Variants in FOXN3 observed in about 807,000 individuals in gnomAD.
FOXN3 encodes forkhead box N3.
A neutral mutation model predicts 38.4 loss-of-function variants in FOXN3; 7 were observed. The observed-to-expected ratio is 0.18, with a 90% confidence interval of 0.10 to 0.34. The LOEUF is 0.34. FOXN3 is among the 10% of genes least tolerant of loss of function. The pLI, the probability that FOXN3 is intolerant of heterozygous loss-of-function variation, is 1.00. For missense variants in FOXN3, 456 were observed against 613.4 expected (o/e 0.74, Z 2.71); for synonymous variants, 230 against 242.2 (o/e 0.95, Z 0.47).
Position 89,548,236 on chromosome 14 carries a change from T to C in FOXN3, c.-15+70792A>G, listed in dbSNP as rs1596314119. The stretch of plus-strand genomic sequence containing the variant: ...CGCTTTCTCTCCCTCCCACCCTTAA[T>C]CTCTGCCCTACATATTTCCAAGATT... On this transcript the variant is annotated intron_variant, in intron 1 of 6. Coordinates refer to the FOXN3 transcript ENST00000345097. The surrounding 1 kb of genome is among the most constrained non-coding windows in gnomAD (Gnocchi z 4.8). 6.6e-6 allele frequency among the ~76,000 whole-genome samples: 1 copy of C among 152,308 alleles called. No homozygotes were observed. Among genetic ancestry groups the C allele is most frequent in the East Asian group, 1.9e-4 (1 of 5,188 alleles).
chr14:89,401,013 AC>A (rs1891230307), intron 2 of FOXN3, among the ~76,000 whole-genome samples: 1 of 152,336 alleles, frequency 6.6e-6, no homozygotes, highest in African/African-American at 2.4e-5. Flanking sequence ...GCCAGAGGTC[AC>A]CACTGTATCC....
chr14:89,506,245 C>G (rs1240258962), intron 1 of FOXN3, among the ~76,000 whole-genome samples: 1 of 77,104 alleles, frequency 1.3e-5, no homozygotes, highest in South Asian at 4.7e-4. Context: ...AGCCCCTCTG[C>G]TCGGCCAGCC....
chr14:89,169,513 A>ACACACG (rs1192804045), intron 5 of FOXN3, among the ~76,000 whole-genome samples: 2 of 151,646 alleles, frequency 1.3e-5, no homozygotes, highest in East Asian at 3.9e-4. Context: ...GTGGTTACAC[A>ACACACG]CACACACACA....
intron 1 of FOXN3, among the ~76,000 whole-genome samples, chr14:89,499,714 T>A (rs570854578): frequency 6.6e-6 from 1 of 152,150 alleles, no homozygotes; most frequent in Non-Finnish European, 1.5e-5. Flanking sequence ...TTTTCATTTT[T>A]TTGCTTGCAA....
intron 2 of FOXN3, chr14:89,401,591 C>T: frequency 4.4e-6 from 2 of 456,032 alleles, no homozygotes; most frequent in South Asian, 1.5e-5. Flanking sequence ...GCTCCCTGTA[C>T]CTTGATTCTT....
At chr14:89,325,462 C>A (rs78007953) in intron 3 of FOXN3, among the ~76,000 whole-genome samples, 1 of 152,124 alleles carries the variant, frequency 6.6e-6, no homozygotes, top group African/African-American at 2.4e-5. Context: ...GAGACTGAGG[C>A]TACTGGGGCC....
At position 89,350,615 on chromosome 14, in the gene FOXN3, C is replaced by T. The variant is rs145533096; in HGVS notation, c.680+57G>A. 2,136 of 1,388,286 alleles carry T rather than the reference C, an allele frequency of 1.5e-3. 3 individuals are homozygous for T. Among genetic ancestry groups the T allele is most frequent in the Non-Finnish European group, 1.9e-3 (1,977 of 1,054,990 alleles). 86.0% of individuals were successfully genotyped at this position (1,388,286 alleles called of 1,614,324 possible). On this transcript the variant is annotated intron_variant, in intron 3 of 5. Coordinates refer to ENST00000557258, the MANE Select transcript of FOXN3 (RefSeq NM_005197.4). ...CTATTAAATTAATTTCCGCGCAGGT[C>T]TCTGCCAAAATAATGCCATTTCAGT... is the stretch of plus-strand genomic sequence containing the variant.
At chr14:89,458,030 CAAAAAAAAAAAAA>C (rs11445763) in intron 1 of FOXN3, among the ~76,000 whole-genome samples, 3 of 53,532 alleles carry the variant, frequency 5.6e-5, no homozygotes, top group African/African-American at 7.4e-5. Flanking sequence ...AACTCCATCT[CAAAAAAAAAAAAA>C]AAAAAAAAAA....
intron 3 of FOXN3, among the ~76,000 whole-genome samples, chr14:89,335,911 T>C (rs1888438707): frequency 6.6e-6 from 1 of 152,054 alleles, no homozygotes; most frequent in African/African-American, 2.4e-5. Flanking sequence ...ATAGCTGAAG[T>C]ATAGACATTT....
chr14:89,588,032 A>G (rs1376926186), intron 1 of FOXN3, among the ~76,000 whole-genome samples: 1 of 152,052 alleles, frequency 6.6e-6, no homozygotes, highest in East Asian at 1.9e-4. Flanking sequence ...TTGGAGATGG[A>G]GCCTGGTGGG....
chr14:89,297,271 T>G (rs1158896520), intron 3 of FOXN3, among the ~76,000 whole-genome samples: 1 of 151,930 alleles, frequency 6.6e-6, no homozygotes, highest in Non-Finnish European at 1.5e-5. Context: ...CTAAAAAAAT[T>G]AAACATAGGG....
At chr14:89,289,052 G>A (rs1886771982) in intron 3 of FOXN3, among the ~76,000 whole-genome samples, 1 of 151,054 alleles carries the variant, frequency 6.6e-6, no homozygotes, top group Non-Finnish European at 1.5e-5. Context: ...CATGGTGGTG[G>A]GCGCCTATAA....
chr14:89,228,430 G>A (rs536704253), intron 4 of FOXN3, among the ~76,000 whole-genome samples: 5 of 152,322 alleles, frequency 3.3e-5, no homozygotes, highest in East Asian at 1.9e-4. Flanking sequence ...GTCACAGTCC[G>A]TAAGAATGGC....
chr14:89,313,801 C>T (rs145815418), intron 3 of FOXN3, among the ~76,000 whole-genome samples: 1,623 of 152,268 alleles, frequency 0.011, 12 homozygotes, highest in Non-Finnish European at 0.016. Context: ...ATTACTCAGC[C>T]TTGAAAGGGG....
chr14:89,281,067 C>G (rs1886447775), intron 3 of FOXN3, 53 bp from the exon 4 acceptor site: 1 of 1,472,474 alleles, frequency 6.8e-7, no homozygotes, highest in African/African-American at 1.4e-5. Context: ...ACTCACACAC[C>G]TGCAACCCCT....
intron 3 of FOXN3, among the ~76,000 whole-genome samples, chr14:89,344,552 A>G (rs1364994233): frequency 6.6e-6 from 1 of 152,346 alleles, no homozygotes; most frequent in East Asian, 1.9e-4. Flanking sequence ...AAGGTATTAC[A>G]TAAGACCCAT....
rs1893653726 is a variant in FOXN3 at position 89,495,133 on chromosome 14, A to C, written c.-14-82643T>G. Among the ~76,000 whole-genome samples the C allele has an allele frequency of 2.0e-5, 3 of 152,246 alleles. No individual in the cohort carries two copies. The South Asian group carries it at 6.2e-4, about 31-fold the overall frequency. On this transcript the variant is annotated intron_variant, in intron 1 of 6. Coordinates refer to the FOXN3 transcript ENST00000345097. Reference sequence around the variant, plus strand: ...AAGTAAGCTGTTCAAAATCTTAATTACATCATATCCCTTGGGCTGGTTAAT... The same window carrying C: ...AAGTAAGCTGTTCAAAATCTTAATTCCATCATATCCCTTGGGCTGGTTAAT...
At chr14:89,245,471 T>C (rs567345991) in intron 4 of FOXN3, among the ~76,000 whole-genome samples, 61 of 65,780 alleles carry the variant, frequency 9.3e-4, no homozygotes, top group Admixed American at 5.9e-3. Flanking sequence ...CAAAAAGGCA[T>C]TGGAGAAAAA....
chr14:89,331,939 G>T (rs1031227040), intron 3 of FOXN3, among the ~76,000 whole-genome samples: 2 of 152,050 alleles, frequency 1.3e-5, no homozygotes, highest in Non-Finnish European at 2.9e-5. Flanking sequence ...TGATCAGTGT[G>T]CTGTGATTTT....
Sources: allele counts gnomAD v4.1 joint callset (sites outside exome capture counted in the v4.1 genomes callset), GRCh38; gene constraint gnomAD v4.1.1; non-coding constraint Gnocchi (gnomAD v3.1); transcripts MANE v1.5; gene names NCBI Gene and HGNC (gene_info 2026-07-23, HGNC 2026-07-21).